The following PRKCB variants were observed in gnomAD, a reference collection of about 807,000 sequenced individuals.
The protein encoded by PRKCB is protein kinase C beta type.
Under a neutral mutation model 81.5 loss-of-function variants are expected in PRKCB, and 13 were observed. The ratio of observed to expected loss-of-function variants is 0.16; its 90% confidence interval spans 0.10 to 0.25. The LOEUF is 0.25. Among genes scored for constraint, PRKCB ranks in the 10% least tolerant of loss-of-function variants. The pLI is 1.00. For missense variants in PRKCB, 509 were observed against 875.7 expected (o/e 0.58, Z 5.29); for synonymous variants, 335 against 321.4 (o/e 1.04, Z -0.45).
At chr16:24,006,815 G>A (rs546806717) in intron 3 of PRKCB, among the ~76,000 whole-genome samples, 11 of 148,354 alleles carry the variant, frequency 7.4e-5, no homozygotes, top group Non-Finnish European at 8.9e-5. Flanking sequence ...AAGGAGAATC[G>A]AAGTACTGAT....
chr16:23,836,385 C>A, intron 1 of PRKCB, 37 bp downstream of exon 1: 1 of 1,589,536 alleles, frequency 6.3e-7, no homozygotes, highest in Non-Finnish European at 8.5e-7. Context: ...CCCGGGCCCC[C>A]GAGGGCAGCG....
intron 7 of PRKCB, among the ~76,000 whole-genome samples, chr16:24,103,880 A>G (rs1459774306): frequency 6.6e-6 from 1 of 152,088 alleles, no homozygotes; most frequent in Non-Finnish European, 1.5e-5. Context: ...ATCTTGGCTC[A>G]CCATAGCCTC....
chr16:24,006,809 A>G (rs1262272559), intron 3 of PRKCB, among the ~76,000 whole-genome samples: 1 of 150,568 alleles, frequency 6.6e-6, no homozygotes, highest in Admixed American at 6.6e-5. Flanking sequence ...TTTTCAAAGG[A>G]GAATCGAAGT....
At chr16:24,168,541 CTTTTTTTTTTTTTT>C (rs56671761) in intron 10 of PRKCB, among the ~76,000 whole-genome samples, 152 of 76,388 alleles carry the variant, frequency 2.0e-3, no homozygotes, top group East Asian at 6.7e-3. Flanking sequence ...TCTTCTTCTA[CTTTTTTTTTTTTTT>C]TTTTTTTTTT....
Position 24,217,191 on chromosome 16 carries a change from G to A in PRKCB, c.*2375G>A, listed in dbSNP as rs1438633980. The A allele has an allele frequency of 4.1e-6, 4 of 983,480 alleles. No homozygotes were observed. The highest frequency in any genetic ancestry group is 4.8e-6 in the Non-Finnish European group (4 of 829,380). 60.9% of individuals were successfully genotyped at this position (983,480 alleles called of 1,614,324 possible). A position where few individuals can be genotyped will look rare whatever the true frequency, so the allele number is the denominator to read the frequency against. On this transcript the variant is annotated 3_prime_UTR_variant, in exon 17 of 17. Coordinates refer to ENST00000643927, the MANE Select transcript of PRKCB (RefSeq NM_002738.7). ...GAAGGAAGGAAGGAAGGAATATAGT[G>A]TTATAAATACTGCACTCAACATTTT...
intron 8 of PRKCB, among the ~76,000 whole-genome samples, chr16:24,121,650 A>G (rs1389574983): frequency 6.6e-6 from 1 of 152,100 alleles, no homozygotes; most frequent in East Asian, 1.9e-4. Context: ...TTGTGATTAC[A>G]GGCATCAGCC....
intron 2 of PRKCB, among the ~76,000 whole-genome samples, chr16:23,971,710 T>C (rs1339583102): frequency 6.6e-6 from 1 of 152,208 alleles, no homozygotes; most frequent in African/African-American, 2.4e-5. Flanking sequence ...TTCATGGGAC[T>C]ATACCTTTAG....
chr16:24,024,127 C>T (rs545711053), intron 3 of PRKCB, among the ~76,000 whole-genome samples: 120 of 152,266 alleles, frequency 7.9e-4, no homozygotes, highest in Middle Eastern at 3.4e-3. Flanking sequence ...TTCCTCAGAG[C>T]GCACCATAAA....
intron 2 of PRKCB, among the ~76,000 whole-genome samples, chr16:23,933,219 C>T (rs201306942): frequency 6.6e-6 from 1 of 152,152 alleles, no homozygotes; most frequent in East Asian, 1.9e-4. Flanking sequence ...TTTCTTCCTG[C>T]TCTGGAGGCT....
Position 24,013,306 on chromosome 16 carries a change from A to C in PRKCB, c.289-18830A>C, listed in dbSNP as rs1358427326. ...TGTAAATAATGGTGCAATAGTAATT[A>C]GTTAAAAGTAATTAAAAATAATGGC... On this transcript the variant is annotated intron_variant, in intron 3 of 16. Coordinates refer to ENST00000643927, the MANE Select transcript of PRKCB (RefSeq NM_002738.7). Among the ~76,000 whole-genome samples, 5 of 152,352 alleles carry C rather than the reference A, an allele frequency of 3.3e-5. No homozygotes were observed. The East Asian group carries it at 9.6e-4, about 29-fold the overall frequency.
intron 2 of PRKCB, among the ~76,000 whole-genome samples, chr16:23,969,638 A>C (rs903393671): frequency 2.0e-5 from 3 of 152,224 alleles, no homozygotes; most frequent in African/African-American, 7.2e-5. Context: ...GTAGACAATC[A>C]ATAGATGTTA....
At chr16:23,894,741 G>A (rs1194278962) in intron 2 of PRKCB, among the ~76,000 whole-genome samples, 3 of 152,132 alleles carry the variant, frequency 2.0e-5, no homozygotes, top group Non-Finnish European at 2.9e-5. Flanking sequence ...AAGCAATGTG[G>A]TACCTTTATC....
chr16:23,896,971 C>CCCATCCAT (rs1387652995), intron 2 of PRKCB, among the ~76,000 whole-genome samples: 4 of 151,858 alleles, frequency 2.6e-5, no homozygotes, highest in South Asian at 4.2e-4. Flanking sequence ...CATCTACCCA[C>CCCATCCAT]CCATCCATCC....
chr16:23,964,625 G>C (rs926929755), intron 2 of PRKCB, among the ~76,000 whole-genome samples: 1 of 151,660 alleles, frequency 6.6e-6, no homozygotes, highest in African/African-American at 2.4e-5. Context: ...TGAGAAAACT[G>C]GGACTGGAAT....
chr16:23,994,239 C>T (rs1964926144), intron 3 of PRKCB, among the ~76,000 whole-genome samples: 1 of 152,174 alleles, frequency 6.6e-6, no homozygotes, highest in Admixed American at 6.5e-5. Flanking sequence ...AGAATAGGGG[C>T]TTATGGTGGT....
At chr16:24,167,534 T>C (rs1967366398) in intron 10 of PRKCB, among the ~76,000 whole-genome samples, 1 of 151,504 alleles carries the variant, frequency 6.6e-6, no homozygotes, top group Non-Finnish European at 1.5e-5. Context: ...TACTCCAGAC[T>C]GGGCGACAGA....
intron 12 of PRKCB, among the ~76,000 whole-genome samples, chr16:24,176,967 T>G (rs1967544645): frequency 6.6e-6 from 1 of 151,986 alleles, no homozygotes; most frequent in South Asian, 2.1e-4. Context: ...TGACTTCAGC[T>G]GGTGCTTAAC....
rs116211400 is a variant in PRKCB at position 23,954,662 on chromosome 16, A to G, written c.206-33846A>G. Among the ~76,000 whole-genome samples the G allele has an allele frequency of 2.0e-3, 306 of 152,326 alleles. 2 individuals are homozygous for G. The highest frequency in any genetic ancestry group is 6.7e-3 in the African/African-American group (277 of 41,576). Reference sequence around the variant, plus strand: ...GTTCAGCTTAGCTGCACTGCCTATTATGTGATACTGGGCTGGTTTCTTAAC... The same window carrying G: ...GTTCAGCTTAGCTGCACTGCCTATTGTGTGATACTGGGCTGGTTTCTTAAC... On this transcript the variant is annotated intron_variant, in intron 2 of 16. Coordinates refer to ENST00000643927, the MANE Select transcript of PRKCB (RefSeq NM_002738.7).
In PRKCB at chr16:24,010,933, C is replaced by T. The variant is rs557185019; in HGVS notation, c.289-21203C>T. Among the ~76,000 whole-genome samples, 8 of 152,246 alleles carry T rather than the reference C, an allele frequency of 5.3e-5. No homozygotes were observed. The East Asian group carries it at 5.8e-4, about 11-fold the overall frequency. ...GCCTACGAGTGCAATGGTACCATCA[C>T]GGCTCACTGCAGCCTCTGCTTCCCA... On this transcript the variant is annotated intron_variant, in intron 3 of 16. Coordinates refer to ENST00000643927, the MANE Select transcript of PRKCB (RefSeq NM_002738.7).
Sources: gnomAD v4.1 joint callset for allele counts (sites outside exome capture counted in the v4.1 genomes callset) on GRCh38, gnomAD v4.1.1 for gene constraint, MANE v1.5 for transcripts, NCBI Gene and HGNC (gene_info 2026-07-23, HGNC 2026-07-21) for gene names.